Variants in STXBP4 observed in about 807,000 individuals in gnomAD.
The protein encoded by STXBP4 is syntaxin binding protein 4, also known as syntaxin-binding protein 4.
A neutral mutation model predicts 76.1 loss-of-function variants in STXBP4; 55 were observed. The observed-to-expected ratio is 0.72, with a 90% CI of 0.58 to 0.91. The LOEUF is 0.91. STXBP4 is among the 40% of genes least tolerant of loss of function. STXBP4 has a pLI of 0.00. For synonymous variants in STXBP4, 201 were observed against 220.2 expected, an observed-to-expected ratio of 0.91 and a Z score of 0.77; for missense variants, 618 against 636.9, an observed-to-expected ratio of 0.97 and a Z score of 0.32.
the STXBP4 span, among the ~76,000 whole-genome samples, chr17:55,187,290 A>C: frequency 6.6e-6 from 1 of 152,170 alleles, no homozygotes; most frequent in African/African-American, 2.4e-5. Flanking sequence ...GACTTATTAC[A>C]TTAAAGGTGA....
chr17:55,087,553 G>T (rs187249477), intron 16 of STXBP4, among the ~76,000 whole-genome samples: 3 of 152,244 alleles, frequency 2.0e-5, no homozygotes, highest in African/African-American at 7.2e-5. Context: ...TCAGTTGGCT[G>T]TAAATATGTG....
intron 16 of STXBP4, among the ~76,000 whole-genome samples, chr17:55,102,588 T>C (rs2079580405): frequency 6.6e-6 from 1 of 152,158 alleles, no homozygotes; most frequent in Non-Finnish European, 1.5e-5. Flanking sequence ...AGTAAACATA[T>C]GTGTATATGT....
At chr17:54,987,721 A>G (rs547035034) in intron 3 of STXBP4, among the ~76,000 whole-genome samples, 1 of 152,302 alleles carries the variant, frequency 6.6e-6, no homozygotes, top group South Asian at 2.1e-4. Flanking sequence ...TTTGGGATAG[A>G]TTCCTAGAAA....
At chr17:55,182,530 G>A in the STXBP4 span, among the ~76,000 whole-genome samples, 1 of 151,982 alleles carries the variant, frequency 6.6e-6, no homozygotes, top group African/African-American at 2.4e-5. Flanking sequence ...GAAATAATGG[G>A]TTAGAAAAAA....
At chr17:55,050,039 G>T (rs1322856360) in intron 12 of STXBP4, among the ~76,000 whole-genome samples, 2 of 151,890 alleles carry the variant, frequency 1.3e-5, no homozygotes, top group East Asian at 3.9e-4. Flanking sequence ...TAATAAAAAT[G>T]GCACAAAAAA....
intron 10 of STXBP4, among the ~76,000 whole-genome samples, chr17:55,036,226 A>G (rs1260791044): frequency 6.6e-6 from 1 of 152,012 alleles, no homozygotes; most frequent in African/African-American, 2.4e-5. Context: ...TATCTTGTCC[A>G]TATGAGTTCC....
At chr17:55,016,305 G>T (rs1333079128) in intron 8 of STXBP4, among the ~76,000 whole-genome samples, 2 of 152,120 alleles carry the variant, frequency 1.3e-5, no homozygotes, top group Non-Finnish European at 2.9e-5. Context: ...CAGAGTGCTG[G>T]ATTCTAGTCC....
the STXBP4 span, among the ~76,000 whole-genome samples, chr17:55,208,917 A>G: frequency 1.3e-5 from 2 of 149,062 alleles, no homozygotes; most frequent in African/African-American, 2.5e-5. Context: ...CTCTGTCTCT[A>G]CAGAAAAAAA....
chr17:55,082,370 T>C (rs2079266960), intron 16 of STXBP4, among the ~76,000 whole-genome samples: 3 of 152,190 alleles, frequency 2.0e-5, no homozygotes, highest in Admixed American at 6.6e-5. Flanking sequence ...AAATCTTCCA[T>C]TAATTTATAT....
intron 16 of STXBP4, among the ~76,000 whole-genome samples, chr17:55,115,008 T>A (rs1382713624): frequency 1.3e-5 from 2 of 151,986 alleles, no homozygotes; most frequent in African/African-American, 4.8e-5. Context: ...TTGAAAATGT[T>A]TTTGCCCTGT....
chr17:55,097,325 T>C (rs1024439873), intron 16 of STXBP4, among the ~76,000 whole-genome samples: 14 of 152,224 alleles, frequency 9.2e-5, no homozygotes, highest in African/African-American at 3.4e-4. Flanking sequence ...GATGTATTTG[T>C]CTCTAAGCAT....
chr17:54,979,039 T>G (rs1225608919), intron 1 of STXBP4, among the ~76,000 whole-genome samples: 1 of 152,186 alleles, frequency 6.6e-6, no homozygotes, highest in Non-Finnish European at 1.5e-5. Flanking sequence ...TAATGATACT[T>G]ATGAACTAAC....
rs11364545 is a variant in STXBP4 at position 55,162,570 on chromosome 17, TAAAA to T, written c.*2669_*2672del. ...TCCTGGGTTCCACTTACTCTTGATTTAAAAAAAAAAAAACAACAAAAGAGTTTGT... is the reference window on the plus strand; with the variant it reads ...TCCTGGGTTCCACTTACTCTTGATTTAAAAAAAAACAACAAAAGAGTTTGT... On this transcript the variant is annotated 3_prime_UTR_variant, in exon 18 of 18. Coordinates refer to ENST00000376352, the MANE Select transcript of STXBP4 (RefSeq NM_178509.6). 1 of 148,204 alleles carries T rather than the reference TAAAA, an allele frequency of 6.7e-6. No individual in the cohort carries two copies. The highest frequency in any genetic ancestry group is 2.5e-5 in the African/African-American group (1 of 40,446). 9.2% of individuals were successfully genotyped at this position (148,204 alleles called of 1,614,324 possible). A position where few individuals can be genotyped will look rare whatever the true frequency, so the allele number is the denominator to read the frequency against.
intron 17 of STXBP4, among the ~76,000 whole-genome samples, chr17:55,156,530 T>C (rs75610471): frequency 0.02 from 3,119 of 152,310 alleles, 79 homozygotes; most frequent in East Asian, 0.15. Flanking sequence ...TGATTATTTA[T>C]TGAATGTCTC....
At chr17:55,092,955 C>CA (rs547744128) in intron 16 of STXBP4, among the ~76,000 whole-genome samples, 22 of 151,230 alleles carry the variant, frequency 1.5e-4, no homozygotes, top group Admixed American at 1.4e-3. Context: ...ATTTATTAAA[C>CA]AAAAAAACAT....
chr17:55,073,631 C>G (rs1291120220), intron 13 of STXBP4, among the ~76,000 whole-genome samples: 1 of 152,072 alleles, frequency 6.6e-6, no homozygotes, highest in Non-Finnish European at 1.5e-5. Flanking sequence ...GCAGTGCGAA[C>G]TTTTTGTTGT....
chr17:55,075,597 T>C (rs576235927), intron 13 of STXBP4, among the ~76,000 whole-genome samples: 32 of 152,296 alleles, frequency 2.1e-4, no homozygotes, highest in African/African-American at 4.3e-4. Flanking sequence ...TGCCTACTTG[T>C]GCTTGAAAGT....
At chr17:55,104,252 G>A (rs2079601779) in intron 16 of STXBP4, among the ~76,000 whole-genome samples, 1 of 152,128 alleles carries the variant, frequency 6.6e-6, no homozygotes, top group Non-Finnish European at 1.5e-5. Flanking sequence ...GTATGATATT[G>A]GCTGTGGGTC....
intron 8 of STXBP4, among the ~76,000 whole-genome samples, chr17:55,022,395 A>G (rs971947739): frequency 2.6e-5 from 4 of 152,114 alleles, no homozygotes; most frequent in African/African-American, 4.8e-5. Flanking sequence ...CAATTCAGCC[A>G]TCTTAGATTA....
Sources: gnomAD v4.1 joint callset for allele counts (sites outside exome capture counted in the v4.1 genomes callset) on GRCh38, gnomAD v4.1.1 for gene constraint, MANE v1.5 for transcripts, NCBI Gene and HGNC (gene_info 2026-07-23, HGNC 2026-07-21) for gene names.